Variants in KIFAP3 observed in about 807,000 individuals in gnomAD.
KIFAP3 encodes kinesin associated protein 3.
A neutral mutation model predicts 106.5 loss-of-function variants in KIFAP3; 68 were observed. The ratio of observed to expected loss-of-function variants is 0.64; its 90% CI spans 0.53 to 0.78. The LOEUF (loss-of-function observed/expected upper bound fraction) is 0.78. Among genes scored for constraint, KIFAP3 ranks in the 30% least tolerant of loss-of-function variants. The pLI is 0.00. For synonymous variants in KIFAP3, 320 were observed against 311.5 expected (o/e 1.03, Z -0.29); for missense variants, 780 against 941.8 (o/e 0.83, Z 2.25).
At chr1:170,058,343 C>T (rs1670956933) in intron 1 of KIFAP3, among the ~76,000 whole-genome samples, 1 of 152,084 alleles carries the variant, frequency 6.6e-6, no homozygotes. Flanking sequence ...CGCCATAGAG[C>T]AAATAACAGA....
Position 170,010,238 on chromosome 1 carries a change from T to C in KIFAP3, c.1183+6224A>G, listed in dbSNP as rs114056215. ...GAATATTCATATATAAGGTTTTCCATGGAACCAATTAAAATTTTAGATTTT... is the reference window on the plus strand; with the variant it reads ...GAATATTCATATATAAGGTTTTCCACGGAACCAATTAAAATTTTAGATTTT... On this transcript the variant is annotated intron_variant, in intron 10 of 19. Transcript: ENST00000361580. Among the ~76,000 whole-genome samples, 999 of 152,128 alleles carry C rather than the reference T, an allele frequency of 6.6e-3. 11 individuals carry two copies. The highest frequency in any genetic ancestry group is 0.023 in the African/African-American group (947 of 41,556).
In KIFAP3 at chr1:169,961,137, C is replaced by T. The variant is rs1665307378; in HGVS notation, c.2082G>A (p.Glu694=). 6.2e-7 allele frequency: 1 copy of T among 1,613,772 alleles called. No homozygotes were observed. The highest frequency in any genetic ancestry group is 1.1e-5 in the South Asian group (1 of 91,068). The change falls in exon 18 of 20, where the codon GAG becomes GAA. Residue 694 remains glutamate (E), a synonymous_variant. Coordinates refer to ENST00000361580, the MANE Select transcript of KIFAP3 (RefSeq NM_014970.4). ...LEMVESRQMD[E]SEQYLYGDDR... is the part of the protein sequence containing the mutation. The stretch of plus-strand genomic sequence containing the variant: ...CATCACCATACAAGTACTGCTCACT[C>T]TCATCCATCTGACGACTCTCTACCA...
rs12039362 is a variant in KIFAP3, at chr1:170,047,607, C to T, written c.165-741G>A. On this transcript the variant is annotated intron_variant, in intron 2 of 19. Coordinates refer to ENST00000361580, the MANE Select transcript of KIFAP3 (RefSeq NM_014970.4). ...TTGTACTCCAGCCTGTGTGACAGGG[C>T]GAGGCTCTGTCTCAAAAAAAAAAAA... Among the ~76,000 whole-genome samples, 272 of 109,158 alleles carry T rather than the reference C, an allele frequency of 2.5e-3. 3 individuals carry two copies. The East Asian group carries it at 0.05, about 20-fold the overall frequency. 71.6% of individuals were successfully genotyped at this position (109,158 alleles called of 152,430 possible).
At chr1:170,006,043 A>C (rs61825344) in intron 10 of KIFAP3, among the ~76,000 whole-genome samples, 15,835 of 152,160 alleles carry the variant, frequency 0.1, 986 homozygotes, top group East Asian at 0.19. Context: ...TTATCAAGAA[A>C]ATATATGTTT....
At chr1:170,066,973 TACTC>T in intron 1 of KIFAP3, among the ~76,000 whole-genome samples, 1 of 152,328 alleles carries the variant, frequency 6.6e-6, no homozygotes, top group East Asian at 1.9e-4. Context: ...CTATATATGA[TACTC>T]AAAGAATAGT....
At chr1:169,977,055 T>C (rs892588624) in intron 16 of KIFAP3, among the ~76,000 whole-genome samples, 2 of 152,166 alleles carry the variant, frequency 1.3e-5, no homozygotes, top group South Asian at 2.1e-4. Flanking sequence ...TTATATTTCT[T>C]GTATATTATA....
At chr1:170,018,358 A>G (rs139899321) in intron 9 of KIFAP3, among the ~76,000 whole-genome samples, 63 of 152,238 alleles carry the variant, frequency 4.1e-4, no homozygotes, top group African/African-American at 1.5e-3. Flanking sequence ...AGATTATAAA[A>G]TTGCATTAAG....
At chr1:169,950,444 TGAA>T (rs1487652770) in intron 19 of KIFAP3, among the ~76,000 whole-genome samples, 1 of 152,110 alleles carries the variant, frequency 6.6e-6, no homozygotes, top group South Asian at 2.1e-4. Flanking sequence ...CAAAGACATA[TGAA>T]GAAGAAGCAG....
chr1:170,079,056 T>C (rs1270527585), upstream of KIFAP3, among the ~76,000 whole-genome samples: 4 of 152,190 alleles, frequency 2.6e-5, no homozygotes, highest in Admixed American at 6.5e-5. Context: ...CCAAACCTTA[T>C]GTTAAAGTTT....
chr1:169,998,436 A>C (rs976549795), intron 10 of KIFAP3, among the ~76,000 whole-genome samples: 129 of 147,672 alleles, frequency 8.7e-4, no homozygotes, highest in African/African-American at 3.0e-3. Flanking sequence ...ACACACACAC[A>C]CCACACACAC....
chr1:170,024,981 AAAC>A (rs1395916887), intron 8 of KIFAP3, among the ~76,000 whole-genome samples: 1 of 152,142 alleles, frequency 6.6e-6, no homozygotes, highest in Non-Finnish European at 1.5e-5. Flanking sequence ...CACATATAGA[AAAC>A]AAGATAACAT....
At chr1:169,947,564 T>A (rs750961840) in intron 19 of KIFAP3, among the ~76,000 whole-genome samples, 19 of 151,852 alleles carry the variant, frequency 1.3e-4, no homozygotes, top group Non-Finnish European at 2.1e-4. Context: ...GATATTTTTT[T>A]AATATTATAC....
intron 11 of KIFAP3, among the ~76,000 whole-genome samples, chr1:169,990,964 A>G (rs1169214489): frequency 6.6e-6 from 1 of 152,142 alleles, no homozygotes; most frequent in African/African-American, 2.4e-5. Context: ...AACTTAAGCA[A>G]TATTTGTAAC....
intron 19 of KIFAP3, among the ~76,000 whole-genome samples, chr1:169,933,331 A>C (rs961731953): frequency 6.6e-6 from 1 of 152,094 alleles, no homozygotes; most frequent in Admixed American, 6.6e-5. Flanking sequence ...AGAATACTGT[A>C]TAATATACCA....
At chr1:169,948,518 C>T (rs554918319) in intron 19 of KIFAP3, among the ~76,000 whole-genome samples, 120 of 151,974 alleles carry the variant, frequency 7.9e-4, no homozygotes, top group African/African-American at 2.7e-3. Flanking sequence ...TAGGTTAGTT[C>T]TTACAATGCT....
At chr1:170,068,642 A>G (rs936678609) in intron 1 of KIFAP3, 1 of 151,860 alleles carries the variant, frequency 6.6e-6, no homozygotes, top group African/African-American at 2.4e-5. Flanking sequence ...AGAAAGAAAC[A>G]TAGAGAATAC....
chr1:170,074,468 G>GGCGGCGGCGGCA lies in KIFAP3; in HGVS notation c.-2_-1insTGCCGCCGCCGC, dbSNP rs1557883032. 8 of 1,614,012 alleles carry GGCGGCGGCGGCA rather than the reference G, an allele frequency of 5.0e-6. No individual in the cohort carries two copies. Among genetic ancestry groups the GGCGGCGGCGGCA allele is most frequent in the Non-Finnish European group, 6.8e-6 (8 of 1,179,940 alleles). ...GGTATCTGGCGTCCTCCCCTTGCAT[G>GGCGGCGGCGGCA]GCGGCAGCGGCAGCGGCGTGGAGAG... On this transcript the variant is annotated 5_prime_UTR_variant, in exon 1 of 20. Transcript: ENST00000361580.
At chr1:170,078,465 T>C (rs1671963343), upstream of KIFAP3, among the ~76,000 whole-genome samples, 1 of 152,184 alleles carries the variant, frequency 6.6e-6, no homozygotes, top group Non-Finnish European at 1.5e-5. Context: ...AAATTACTAA[T>C]ATCTGAAATG....
At chr1:170,047,745 T>A (rs1670337203) in intron 2 of KIFAP3, among the ~76,000 whole-genome samples, 1 of 150,392 alleles carries the variant, frequency 6.6e-6, no homozygotes, top group South Asian at 2.1e-4. Context: ...AGCCAACACC[T>A]CCCTCCTTTT....
Sources: allele counts gnomAD v4.1 joint callset (sites outside exome capture counted in the v4.1 genomes callset), GRCh38; gene constraint gnomAD v4.1.1; transcripts MANE v1.5; gene names NCBI Gene and HGNC (gene_info 2026-07-23, HGNC 2026-07-21).